Variants in ZNF430 observed in about 807,000 individuals in gnomAD.
ZNF430 encodes zinc finger protein 430.
A neutral mutation model predicts 56.7 loss-of-function variants in ZNF430; 35 were observed. The observed-to-expected ratio is 0.62, with a 90% CI of 0.47 to 0.82. The LOEUF (loss-of-function observed/expected upper bound fraction) is 0.82, where lower values mean the gene tolerates loss of function less well. Ranked by LOEUF, ZNF430 falls within the 40% of genes least tolerant of loss-of-function variation. The pLI is 0.00. For synonymous variants in ZNF430, 212 were observed against 224.3 expected (o/e 0.94, Z 0.49); for missense variants, 574 against 661.0 (o/e 0.87, Z 1.44).
At chr19:21,043,797 G>C (rs1024720103) in intron 4 of ZNF430, among the ~76,000 whole-genome samples, 3 of 151,732 alleles carry the variant, frequency 2.0e-5, no homozygotes, top group Non-Finnish European at 4.4e-5. Flanking sequence ...TTTCCTTAAA[G>C]AGGTCCTTCA....
chr19:21,025,181 G>A (rs1191232393), intron 2 of ZNF430, among the ~76,000 whole-genome samples: 1 of 152,176 alleles, frequency 6.6e-6, no homozygotes, highest in Non-Finnish European at 1.5e-5. Context: ...CAGCCCTGAG[G>A]GCTGCTGGTT....
At position 21,033,439 on chromosome 19, in the gene ZNF430, G is replaced by A. The variant is rs762457515; in HGVS notation, c.97-17G>A. 1 of 1,605,026 alleles carries A rather than the reference G, an allele frequency of 6.2e-7. No individual in the cohort carries two copies. The highest frequency in any genetic ancestry group is 1.7e-5 in the Admixed American group (1 of 58,634). On this transcript the variant is annotated splice_polypyrimidine_tract_variant and intron_variant, in intron 2 of 4. Coordinates refer to ENST00000261560, the MANE Select transcript of ZNF430 (RefSeq NM_025189.4). Reference sequence around the variant, plus strand: ...CTTGGTAAATATACGTGTGTCTTGTGTGCTTGTGTTTTTCAGGGGCCATTG... The same window carrying A: ...CTTGGTAAATATACGTGTGTCTTGTATGCTTGTGTTTTTCAGGGGCCATTG...
chr19:21,041,512 A>AT (rs1257658640), intron 4 of ZNF430, among the ~76,000 whole-genome samples: 1 of 152,124 alleles, frequency 6.6e-6, no homozygotes, highest in African/African-American at 2.4e-5. Context: ...TTTAAATATT[A>AT]TTTTTTGTGT....
intron 4 of ZNF430, chr19:21,034,479 C>T (rs1231414427): frequency 2.3e-5 from 6 of 260,094 alleles, no homozygotes; most frequent in Non-Finnish European, 4.3e-5. Flanking sequence ...GGGGGACACA[C>T]AAATATCTAC....
In ZNF430 at chr19:21,057,558, C is replaced by A. The variant is rs1265248391; in HGVS notation, c.1250C>A (p.Thr417Asn). Residue 417 changes from threonine to asparagine, a missense_variant, in exon 5 of 5, where the codon ACT (threonine) becomes AAT (asparagine). Physicochemically the swap from Thr to Asn is moderately conservative, Grantham distance 65. This residue lies in a region of ZNF430 where 213 missense variants were observed against 221.0 expected (regional missense o/e 0.96). Transcript: ENST00000261560. ...GKGFNWSSTL[T>N]KHKRIHTGEK... ...GGCTTTAATTGGTCCTCGACCCTTACTAAACATAAAAGAATTCATACTGGA... is the reference window on the plus strand; with the variant it reads ...GGCTTTAATTGGTCCTCGACCCTTAATAAACATAAAAGAATTCATACTGGA... 2 of 1,613,306 alleles carry A rather than the reference C, an allele frequency of 1.2e-6. No homozygotes were observed. The highest frequency in any genetic ancestry group is 1.7e-5 in the Admixed American group (1 of 60,002).
intron 4 of ZNF430, among the ~76,000 whole-genome samples, chr19:21,042,837 G>A (rs1968129931): frequency 6.6e-6 from 1 of 151,932 alleles, no homozygotes; most frequent in Non-Finnish European, 1.5e-5. Context: ...ACTGGCATAA[G>A]ATGGTATGTA....
Position 21,057,729 on chromosome 19 carries a change from C to T in ZNF430, c.1421C>T (p.Ala474Val), listed in dbSNP as rs1968406466. The change falls in exon 5 of 5, where the codon GCA becomes GTA. Residue 474 changes from alanine to valine, a missense_variant. Physicochemically the swap from Ala to Val is moderately conservative, Grantham distance 64. Around this residue, in one of 3 missense-constraint regions of ZNF430, gnomAD observed 213 missense variants for 221.0 expected, o/e 0.96. Transcript: ENST00000261560. ...KAFNRSPKLT[A>V]HKVIHSGEKP... is the part of the protein sequence containing the mutation. ...TTTAACCGGTCCCCAAAACTTACTG[C>T]ACATAAGGTAATTCATTCTGGAGAG... is the stretch of plus-strand genomic sequence containing the variant. 4 of 1,598,606 alleles carry T rather than the reference C, an allele frequency of 2.5e-6. No individual in the cohort carries two copies. The highest frequency in any genetic ancestry group is 3.4e-6 in the Non-Finnish European group (4 of 1,173,842).
intron 4 of ZNF430, among the ~76,000 whole-genome samples, chr19:21,039,675 A>T (rs1253588636): frequency 6.6e-6 from 1 of 152,008 alleles, no homozygotes; most frequent in African/African-American, 2.4e-5. Flanking sequence ...TATGTTGGCC[A>T]GGTTGGTCTT....
At chr19:21,037,696 C>G (rs1300309888) in intron 4 of ZNF430, among the ~76,000 whole-genome samples, 1 of 152,150 alleles carries the variant, frequency 6.6e-6, no homozygotes, top group East Asian at 1.9e-4. Flanking sequence ...TTTCTACCAA[C>G]AATTGACATA....
At chr19:21,043,056 G>A (rs912221327) in intron 4 of ZNF430, among the ~76,000 whole-genome samples, 18 of 18,156 alleles carry the variant, frequency 9.9e-4, no homozygotes, top group Non-Finnish European at 1.8e-3. Flanking sequence ...AATGTTCTCC[G>A]ATTCTTAGGT....
chr19:21,026,275 G>A (rs548043156), intron 2 of ZNF430, among the ~76,000 whole-genome samples: 20 of 151,050 alleles, frequency 1.3e-4, no homozygotes, highest in African/African-American at 4.6e-4. Context: ...TGCAACCTCC[G>A]CCTCCCAGGT....
chr19:21,022,941 A>G, intron 2 of ZNF430, 60 bp downstream of exon 2: 1 of 1,241,066 alleles, frequency 8.1e-7, no homozygotes, highest in Non-Finnish European at 1.2e-6. Context: ...TCTTGGAGAC[A>G]CATTGCTGGT....
chr19:21,033,362 C>T, intron 2 of ZNF430, 94 bp from the exon 3 acceptor site: 2 of 1,477,506 alleles, frequency 1.4e-6, no homozygotes, highest in Non-Finnish European at 1.8e-6. Context: ...AACCAATTCT[C>T]TTTATTCTGT....
intron 4 of ZNF430, among the ~76,000 whole-genome samples, chr19:21,039,594 G>A (rs1273727199): frequency 6.6e-6 from 1 of 151,454 alleles, no homozygotes; most frequent in Non-Finnish European, 1.5e-5. Context: ...AGCCTCCCAA[G>A]TAGCTGGGAT....
chr19:21,037,203 C>G (rs1295023012), intron 4 of ZNF430, among the ~76,000 whole-genome samples: 2 of 151,598 alleles, frequency 1.3e-5, no homozygotes, highest in Admixed American at 1.3e-4. Context: ...CAACCTCTGC[C>G]TCCCTGGTTC....
rs1402708245 is a variant in ZNF430, at chr19:21,056,848, T to C, written c.540T>C (p.Asp180=). 6.2e-7 allele frequency: 1 copy of C among 1,611,852 alleles called. No individual in the cohort carries two copies. Among genetic ancestry groups the C allele is most frequent in the Admixed American group, 1.7e-5 (1 of 59,710 alleles). ...CCCAGAGTGAAATATTTCAATATGA[T>C]AAATATGTGAATGTCTTTTATAAAT... ...TTTQSEIFQY[D]KYVNVFYKFS... Residue 180 remains aspartate, a synonymous_variant, in exon 5 of 5, where the codon GAT becomes GAC. Transcript: ENST00000261560.
intron 4 of ZNF430, among the ~76,000 whole-genome samples, chr19:21,037,217 C>T (rs1365717786): frequency 2.6e-5 from 4 of 151,302 alleles, no homozygotes; most frequent in Non-Finnish European, 5.9e-5. Flanking sequence ...CTGGTTCAAG[C>T]GATTCTCCTG....
rs1433877056 is a variant in ZNF430 at position 21,059,562 on chromosome 19, A to C, written c.*1541A>C. ...CCATTTCAAAAAAAAAAAAAAAAAA[A>C]CAACTAAAGTTGGTAGAAAAATTAT... On this transcript the variant is annotated 3_prime_UTR_variant, in exon 5 of 5. Transcript: ENST00000261560. 1.4e-5 allele frequency: 2 copies of C among 145,158 alleles called. No individual in the cohort carries two copies. The highest frequency in any genetic ancestry group is 3.1e-5 in the Non-Finnish European group (2 of 65,392). The allele number at this position is 145,158 out of a possible 1,614,324, so 9.0% of individuals were successfully genotyped here. A position where few individuals can be genotyped will look rare whatever the true frequency, so the allele number is the denominator to read the frequency against.
chr19:21,027,818 G>GT (rs1967831594), intron 2 of ZNF430, among the ~76,000 whole-genome samples: 2 of 151,892 alleles, frequency 1.3e-5, no homozygotes, highest in Admixed American at 1.3e-4. Flanking sequence ...CAATTTTGGA[G>GT]CTTGTTATTG....
Sources: gnomAD v4.1 joint callset for allele counts (sites outside exome capture counted in the v4.1 genomes callset) on GRCh38, gnomAD v4.1.1 for gene constraint, gnomAD v4.1.1 regional missense constraint, MANE v1.5 for transcripts, NCBI Gene and HGNC (gene_info 2026-07-23, HGNC 2026-07-21) for gene names.